Variants in SAP130 observed in about 807,000 individuals in gnomAD.
SAP130 encodes the protein histone deacetylase complex subunit SAP130.
A neutral mutation model predicts 103.2 loss-of-function variants in SAP130; 16 were observed. That is an observed-to-expected ratio of 0.16 (90% CI 0.10 to 0.24). SAP130 has a LOEUF of 0.24. Among genes scored for constraint, SAP130 ranks in the 10% least tolerant of loss-of-function variants. The pLI is 1.00. For synonymous variants in SAP130, 477 were observed against 497.0 expected, an observed-to-expected ratio of 0.96 and a Z score of 0.53; for missense variants, 990 against 1,359.7, an observed-to-expected ratio of 0.73 and a Z score of 4.28.
At position 127,953,873 on chromosome 2, in the gene SAP130, C is replaced by CATAT. The variant is rs534134526; in HGVS notation, c.2422+1109_2422+1112dup. 4.0e-4 allele frequency among the ~76,000 whole-genome samples: 60 copies of CATAT among 151,786 alleles called. No homozygotes were observed. In the East Asian group the frequency reaches 4.0e-3, roughly 10 times the overall value. On this transcript the variant is annotated intron_variant, in intron 16 of 20. Transcript: ENST00000643581. This position sits in a 1 kb window ranked among gnomAD's most constrained non-coding sequence, Gnocchi z 4.0. The stretch of plus-strand genomic sequence containing the variant: ...TTCTCCATAGAACTTATCACCCAAA[C>CATAT]ATATATATACATACATACATACATA...
intron 7 of SAP130, among the ~76,000 whole-genome samples, chr2:128,005,087 A>C (rs1410793333): frequency 6.6e-6 from 1 of 152,238 alleles, no homozygotes; most frequent in East Asian, 1.9e-4. Flanking sequence ...AACTGCTTCT[A>C]TGAAATGGAA....
At chr2:127,985,155 G>C (rs1355467156) in intron 14 of SAP130, among the ~76,000 whole-genome samples, 2 of 151,754 alleles carry the variant, frequency 1.3e-5, no homozygotes. Flanking sequence ...CAACTTTTTT[G>C]AAAAAAAGTT....
chr2:127,949,743 G>T (rs538041308), intron 18 of SAP130, 126 bp downstream of exon 18: 110 of 1,015,156 alleles, frequency 1.1e-4, no homozygotes, highest in Non-Finnish European at 1.3e-4. Context: ...AAAGCCTCAA[G>T]ATTTTGTAAC....
intron 7 of SAP130, among the ~76,000 whole-genome samples, chr2:128,007,134 C>T (rs934658767): frequency 4.6e-5 from 7 of 152,250 alleles, no homozygotes; most frequent in African/African-American, 1.7e-4. Flanking sequence ...TAGTTTTCAT[C>T]ATACAGTTGG....
chr2:127,988,424 C>CT lies in SAP130; in HGVS notation c.1780+1139dup, dbSNP rs1161934590. Among the ~76,000 whole-genome samples the CT allele has an allele frequency of 4.1e-4, 37 of 89,924 alleles. 1 individual carries two copies. The highest frequency in any genetic ancestry group is 3.0e-3 in the South Asian group (9 of 3,026). 59.0% of individuals were successfully genotyped at this position (89,924 alleles called of 152,430 possible). On this transcript the variant is annotated intron_variant, in intron 13 of 20. Transcript: ENST00000643581. Reference sequence around the variant, plus strand: ...GGCAACAGAGTGAGTGAGACCTTGTCTTTTTAAAAAAAAAAAAAAAAAAAA... The same window carrying CT: ...GGCAACAGAGTGAGTGAGACCTTGTCTTTTTTAAAAAAAAAAAAAAAAAAAA...
At chr2:127,970,592 T>A (rs1206773573) in intron 15 of SAP130, among the ~76,000 whole-genome samples, 1 of 147,866 alleles carries the variant, frequency 6.8e-6, no homozygotes, top group Non-Finnish European at 1.5e-5. Context: ...GATGCATGCC[T>A]GGAGTCCCAG....
Position 127,967,163 on chromosome 2 carries a change from TGAA to T in SAP130, c.2063+10819_2063+10821del, listed in dbSNP as rs566576754. ...GGCATAAAGTTTCAGTTAAGCAAAATGAAGAAGTTCTAGAGCTCTGTTGTGTGA... is the reference window on the plus strand; with the variant it reads ...GGCATAAAGTTTCAGTTAAGCAAAATGAAGTTCTAGAGCTCTGTTGTGTGA... On this transcript the variant is annotated intron_variant, in intron 15 of 20. Transcript: ENST00000643581. 2.9e-3 allele frequency among the ~76,000 whole-genome samples: 442 copies of T among 152,304 alleles called. 6 individuals carry two copies. The highest frequency in any genetic ancestry group is 9.5e-3 in the African/African-American group (395 of 41,576).
Position 128,009,829 on chromosome 2 carries a change from GCTCACTGTT to G in SAP130, c.869+431_869+439del, listed in dbSNP as rs1446795734. 2.0e-5 allele frequency among the ~76,000 whole-genome samples: 3 copies of G among 152,084 alleles called. No individual in the cohort carries two copies. The East Asian group carries it at 5.8e-4, about 29-fold the overall frequency. On this transcript the variant is annotated intron_variant, in intron 7 of 20. Transcript: ENST00000643581. ...CACAATCCTGTCTCAGAGCCTTTGC[GCTCACTGTT>G]CCCACTGCCTAGAATACTCTTCTCT... is the stretch of plus-strand genomic sequence containing the variant.
chr2:127,955,317 C>T lies in SAP130; in HGVS notation c.2091G>A (p.Val697=), dbSNP rs755445115. 9 of 1,577,594 alleles carry T rather than the reference C, an allele frequency of 5.7e-6. No homozygotes were observed. In the Admixed American group the frequency reaches 7.1e-5, roughly 12 times the overall value. The change falls in exon 16 of 21, where the codon GTG becomes GTA. Residue 697 remains valine, a synonymous_variant. Coordinates refer to ENST00000643581, the MANE Select transcript of SAP130 (RefSeq NM_001330301.2). This position sits in a 1 kb window ranked among gnomAD's most constrained non-coding sequence, Gnocchi z 4.9. ...AGAKPKSEIH[V]SMATPVTVSM... ...ACACAGTGACCGGAGTGGCCATAGA[C>T]ACGTGGATTTCAGACTTGGGTTTGG... is the stretch of plus-strand genomic sequence containing the variant.
chr2:128,016,495 G>C lies in SAP130; in HGVS notation c.401C>G (p.Ser134Cys). The part of the protein sequence containing the change: ...PSRPIAPAPP[S>C]TLSLPPKVPG... ...AACCTTGGGGGGAAGTGACAGGGTAGAAGGTGGAGCAGGAGCAATGGGACG... is the reference window on the plus strand; with the variant it reads ...AACCTTGGGGGGAAGTGACAGGGTACAAGGTGGAGCAGGAGCAATGGGACG... Residue 134 changes from serine (S) to cysteine (C), a missense_variant, in exon 4 of 21, where the codon TCT becomes TGT. Physicochemically the swap from Ser to Cys is moderately radical, Grantham distance 112. Coordinates refer to ENST00000643581, the MANE Select transcript of SAP130 (RefSeq NM_001330301.2). 6.2e-7 allele frequency: 1 copy of C among 1,614,110 alleles called. No individual in the cohort carries two copies.
At chr2:128,006,170 T>C (rs898644622) in intron 7 of SAP130, among the ~76,000 whole-genome samples, 40 of 150,530 alleles carry the variant, frequency 2.7e-4, no homozygotes, top group Admixed American at 3.3e-4. Flanking sequence ...GGAAAGAATA[T>C]AGAAACAATA....
chr2:128,027,692 C>T (rs968885534), intron 1 of SAP130, among the ~76,000 whole-genome samples: 4 of 150,674 alleles, frequency 2.7e-5, no homozygotes, highest in Admixed American at 1.3e-4. Context: ...ACGTCCGCCA[C>T]GCCCCCACGC....
At chr2:127,970,969 T>C (rs529255742) in intron 15 of SAP130, among the ~76,000 whole-genome samples, 2 of 151,970 alleles carry the variant, frequency 1.3e-5, no homozygotes, top group South Asian at 4.1e-4. Context: ...TTTTTTTTTT[T>C]AGACAGGTTC....
intron 1 of SAP130, among the ~76,000 whole-genome samples, chr2:128,027,507 A>G (rs1343009065): frequency 6.6e-6 from 1 of 151,300 alleles, no homozygotes; most frequent in East Asian, 2.0e-4. Context: ...GCCCCCGGCG[A>G]AGGGGGCGGG....
At chr2:128,027,528 G>T (rs1381125166) in intron 1 of SAP130, among the ~76,000 whole-genome samples, 1 of 151,984 alleles carries the variant, frequency 6.6e-6, no homozygotes, top group Non-Finnish European at 1.5e-5. Flanking sequence ...GAGCGGGGAG[G>T]CCCCGCCTCA....
At chr2:128,007,442 G>A (rs1684055640) in intron 7 of SAP130, among the ~76,000 whole-genome samples, 1 of 152,154 alleles carries the variant, frequency 6.6e-6, no homozygotes, top group Non-Finnish European at 1.5e-5. Context: ...AGGGGCTCCT[G>A]GAGCCAAGAC....
chr2:128,015,965 A>G (rs906473902), intron 4 of SAP130, among the ~76,000 whole-genome samples: 2 of 147,850 alleles, frequency 1.4e-5, no homozygotes, highest in African/African-American at 2.5e-5. Flanking sequence ...AAAAGTTTGG[A>G]ACTAGAGAGC....
rs953960272 is a variant in SAP130, at chr2:127,986,731, T to C, written c.1958+54A>G. On this transcript the variant is annotated intron_variant, in intron 14 of 20. Coordinates refer to ENST00000643581, the MANE Select transcript of SAP130 (RefSeq NM_001330301.2). The surrounding 1 kb of genome is among the most constrained non-coding windows in gnomAD (Gnocchi z 4.7). ...ATTAGATAAGAGTGCCTATTATGTA[T>C]ACCAGTTATATCCAGAACCAGAGGT... The C allele has an allele frequency of 6.5e-6, 10 of 1,549,960 alleles. No individual in the cohort carries two copies. The highest frequency in any genetic ancestry group is 3.4e-5 in the Admixed American group (2 of 58,294).
chr2:127,959,283 C>G (rs990104957), intron 15 of SAP130, among the ~76,000 whole-genome samples: 1 of 152,096 alleles, frequency 6.6e-6, no homozygotes, highest in Non-Finnish European at 1.5e-5. Flanking sequence ...AAAAAAGTCC[C>G]AAGAAAAGCC....
Sources: gnomAD v4.1 joint callset for allele counts (sites outside exome capture counted in the v4.1 genomes callset) on GRCh38, gnomAD v4.1.1 for gene constraint, Gnocchi (gnomAD v3.1) non-coding constraint, MANE v1.5 for transcripts, NCBI Gene and HGNC (gene_info 2026-07-23, HGNC 2026-07-21) for gene names.